The following GALNTL6 variants were observed in gnomAD, a reference collection of about 807,000 sequenced individuals.
The protein encoded by GALNTL6 is polypeptide N-acetylgalactosaminyltransferase like 6.
GALNTL6 carries 46 observed loss-of-function variants against 73.7 expected under a neutral mutation model. The ratio of observed to expected loss-of-function variants is 0.62; its 90% CI spans 0.49 to 0.80. The LOEUF is 0.80. Among genes scored for constraint, GALNTL6 ranks in the 30% least tolerant of loss-of-function variants. The pLI, the probability that GALNTL6 is intolerant of heterozygous loss-of-function variation, is 0.00. For synonymous variants in GALNTL6, 259 were observed against 263.7 expected, an observed-to-expected ratio of 0.98 and a Z score of 0.17; for missense variants, 604 against 755.0, an observed-to-expected ratio of 0.80 and a Z score of 2.34.
intron 2 of GALNTL6, among the ~76,000 whole-genome samples, chr4:172,218,156 A>AT (rs1736554419): frequency 6.6e-6 from 1 of 152,100 alleles, no homozygotes. Flanking sequence ...GTTCCCCTTC[A>AT]TAAGTTTCCT....
At chr4:172,682,680 G>T (rs951226744) in intron 5 of GALNTL6, among the ~76,000 whole-genome samples, 3 of 152,060 alleles carry the variant, frequency 2.0e-5, no homozygotes, top group African/African-American at 7.2e-5. Flanking sequence ...AGCTAGCTTT[G>T]CCAGCTCAAT....
At chr4:172,050,987 T>C (rs935654493) in intron 2 of GALNTL6, among the ~76,000 whole-genome samples, 1 of 152,158 alleles carries the variant, frequency 6.6e-6, no homozygotes, top group Non-Finnish European at 1.5e-5. Context: ...TGGGGTATTC[T>C]TGGAATTTGT....
chr4:172,885,789 CT>C (rs1745689815), intron 8 of GALNTL6, among the ~76,000 whole-genome samples: 1 of 152,100 alleles, frequency 6.6e-6, no homozygotes, highest in Non-Finnish European at 1.5e-5. Flanking sequence ...TTTACCAATA[CT>C]TTTTCAGCAT....
At chr4:172,930,839 A>AT (rs1370129516) in intron 8 of GALNTL6, among the ~76,000 whole-genome samples, 2 of 152,004 alleles carry the variant, frequency 1.3e-5, no homozygotes, top group African/African-American at 2.4e-5. Context: ...TAATTTTTGT[A>AT]TTTTTTGTAG....
At chr4:172,221,297 G>A (rs1439916386) in intron 2 of GALNTL6, among the ~76,000 whole-genome samples, 1 of 151,412 alleles carries the variant, frequency 6.6e-6, no homozygotes, top group East Asian at 1.9e-4. Context: ...ATTGATTCTG[G>A]AGAACAACCG....
intron 2 of GALNTL6, among the ~76,000 whole-genome samples, chr4:171,998,029 T>A (rs1740545402): frequency 6.6e-6 from 1 of 152,156 alleles, no homozygotes; most frequent in Non-Finnish European, 1.5e-5. Flanking sequence ...CACATCTTAC[T>A]GTAGCATGGG....
At chr4:172,382,691 C>T (rs1302212586) in intron 5 of GALNTL6, among the ~76,000 whole-genome samples, 9 of 152,030 alleles carry the variant, frequency 5.9e-5, no homozygotes, top group Admixed American at 1.3e-4. Context: ...TGCAAAGTTT[C>T]CCGTATGTTC....
At chr4:172,631,993 A>C (rs1212080724) in intron 5 of GALNTL6, among the ~76,000 whole-genome samples, 1 of 152,236 alleles carries the variant, frequency 6.6e-6, no homozygotes, top group Admixed American at 6.5e-5. Context: ...TGATGGTTTT[A>C]TAAATGGGAG....
chr4:172,745,321 G>A (rs1173145275), intron 5 of GALNTL6, among the ~76,000 whole-genome samples: 1 of 151,632 alleles, frequency 6.6e-6, no homozygotes, highest in Non-Finnish European at 1.5e-5. Flanking sequence ...GAAGAAACTG[G>A]AAATTCATAA....
At chr4:171,892,768 C>T (rs1225298021) in intron 2 of GALNTL6, among the ~76,000 whole-genome samples, 3 of 152,158 alleles carry the variant, frequency 2.0e-5, no homozygotes, top group Admixed American at 2.0e-4. Flanking sequence ...CTTGCTGTTA[C>T]CCAGGCTGGC....
At chr4:172,085,459 G>A (rs1175999338) in intron 2 of GALNTL6, among the ~76,000 whole-genome samples, 4 of 151,920 alleles carry the variant, frequency 2.6e-5, no homozygotes, top group East Asian at 1.9e-4. Context: ...AGGCCAAGGC[G>A]GGAGGATCAC....
intron 5 of GALNTL6, among the ~76,000 whole-genome samples, chr4:172,681,243 T>C (rs535815524): frequency 6.6e-6 from 1 of 152,172 alleles, no homozygotes; most frequent in Non-Finnish European, 1.5e-5. Context: ...ATCCCTGATG[T>C]TCTGGAATTC....
intron 2 of GALNTL6, among the ~76,000 whole-genome samples, chr4:171,994,195 CTGT>C (rs1040223921): frequency 6.6e-6 from 1 of 152,022 alleles, no homozygotes; most frequent in African/African-American, 2.4e-5. Flanking sequence ...TAACAGCCAA[CTGT>C]AGCACATCAG....
chr4:172,692,514 A>AT (rs1407012117), intron 5 of GALNTL6, among the ~76,000 whole-genome samples: 1 of 152,080 alleles, frequency 6.6e-6, no homozygotes, highest in Non-Finnish European at 1.5e-5. Flanking sequence ...TTTTTGAATT[A>AT]TTTTTTAATA....
In GALNTL6 at chr4:172,642,743, G is replaced by A. The variant is rs576446344; in HGVS notation, c.554-166618G>A. On this transcript the variant is annotated intron_variant, in intron 5 of 12. Coordinates refer to ENST00000506823, the MANE Select transcript of GALNTL6 (RefSeq NM_001034845.3). ...CACCACAAAAAAATGACCTATATGTGAGGTAATGCATATGTTAATTAGCTA... is the reference window on the plus strand; with the variant it reads ...CACCACAAAAAAATGACCTATATGTAAGGTAATGCATATGTTAATTAGCTA... 4.6e-5 allele frequency among the ~76,000 whole-genome samples: 7 copies of A among 151,994 alleles called. No homozygotes were observed. The East Asian group carries it at 1.4e-3, about 29-fold the overall frequency.
intron 5 of GALNTL6, among the ~76,000 whole-genome samples, chr4:172,604,356 A>T (rs1012667864): frequency 6.6e-6 from 1 of 152,178 alleles, no homozygotes; most frequent in Admixed American, 6.5e-5. Flanking sequence ...AGAAGTATCA[A>T]AGAGGAATAT....
chr4:172,480,480 A>T (rs1733410662), intron 5 of GALNTL6, among the ~76,000 whole-genome samples: 1 of 152,194 alleles, frequency 6.6e-6, no homozygotes, highest in Admixed American at 6.5e-5. Context: ...AAATCAATTG[A>T]GCTATTATTT....
At chr4:172,941,433 G>A (rs954183228) in intron 9 of GALNTL6, among the ~76,000 whole-genome samples, 1 of 151,996 alleles carries the variant, frequency 6.6e-6, no homozygotes, top group African/African-American at 2.4e-5. Context: ...ACTTCCTATG[G>A]GATCTTTTCC....
At chr4:172,016,531 T>C (rs1012260805) in intron 2 of GALNTL6, among the ~76,000 whole-genome samples, 1 of 152,044 alleles carries the variant, frequency 6.6e-6, no homozygotes, top group African/African-American at 2.4e-5. Context: ...TCTCCTTGAA[T>C]TGCTTACTAA....
Sources: allele counts gnomAD v4.1 joint callset (sites outside exome capture counted in the v4.1 genomes callset), GRCh38; gene constraint gnomAD v4.1.1; transcripts MANE v1.5; gene names NCBI Gene and HGNC (gene_info 2026-07-23, HGNC 2026-07-21).